The following SHTN1 variants were observed in gnomAD, a reference collection of about 807,000 sequenced individuals.
The protein encoded by SHTN1 is shootin-1.
In SHTN1, 42 loss-of-function variants were observed where a neutral mutation model predicts 83.1. The ratio of observed to expected loss-of-function variants is 0.51; its 90% confidence interval spans 0.39 to 0.65. The LOEUF (loss-of-function observed/expected upper bound fraction) is 0.65, where lower values mean the gene tolerates loss of function less well. Ranked by LOEUF, SHTN1 falls within the 30% of genes least tolerant of loss-of-function variation. The pLI, the probability that SHTN1 is intolerant of heterozygous loss-of-function variation, is 0.00. For missense variants in SHTN1, 622 were observed against 737.8 expected (o/e 0.84, Z 1.82); for synonymous variants, 224 against 247.7 (o/e 0.90, Z 0.90).
chr10:117,121,320 G>A (rs372674423), intron 1 of SHTN1, among the ~76,000 whole-genome samples: 2 of 152,308 alleles, frequency 1.3e-5, no homozygotes, highest in East Asian at 3.9e-4. Flanking sequence ...GCTTACGCCT[G>A]TAATCCCAGC....
intron 1 of SHTN1, among the ~76,000 whole-genome samples, chr10:117,001,054 T>C (rs928602612): frequency 2.0e-5 from 3 of 152,080 alleles, no homozygotes; most frequent in African/African-American, 7.2e-5. Flanking sequence ...AATTGTATGA[T>C]GTTTTGTAAG....
At position 116,972,077 on chromosome 10, in the gene SHTN1, G is replaced by A. The variant is rs183944860; in HGVS notation, c.112-3365C>T. On this transcript the variant is annotated intron_variant, in intron 2 of 16. Coordinates refer to ENST00000355371, the MANE Select transcript of SHTN1 (RefSeq NM_001127211.3). ...CCCAGAAGAAAAACGTCAGGTCCAC[G>A]CTCTCTGCTATTAAGGCCCAGGTAG... is the stretch of plus-strand genomic sequence containing the variant. Among the ~76,000 whole-genome samples, 239 of 152,244 alleles carry A rather than the reference G, an allele frequency of 1.6e-3. 1 individual carries two copies. Among genetic ancestry groups the A allele is most frequent in the African/African-American group, 5.5e-3 (227 of 41,544 alleles).
intron 16 of SHTN1, among the ~76,000 whole-genome samples, chr10:116,892,091 C>G (rs1420116904): frequency 6.6e-6 from 1 of 152,072 alleles, no homozygotes; most frequent in African/African-American, 2.4e-5. Context: ...AATGGCTGGG[C>G]AAAGATCTAT....
intron 1 of SHTN1, among the ~76,000 whole-genome samples, chr10:117,109,025 G>A (rs949051070): frequency 4.6e-5 from 7 of 152,158 alleles, no homozygotes; most frequent in African/African-American, 7.2e-5. Flanking sequence ...GTGGTGGGCC[G>A]CTGCAATGTC....
chr10:116,930,048 TC>T, intron 9 of SHTN1, 46 bp from the exon 10 acceptor site: 3 of 1,340,646 alleles, frequency 2.2e-6, no homozygotes, highest in Non-Finnish European at 3.1e-6. Flanking sequence ...TGACAGTTTT[TC>T]CTTTGTCAAA....
At chr10:117,016,411 T>A (rs1852181317) in intron 2 of SHTN1, among the ~76,000 whole-genome samples, 1 of 152,132 alleles carries the variant, frequency 6.6e-6, no homozygotes, top group Admixed American at 6.5e-5. Context: ...TTCCTTTTGT[T>A]TGTTTGTTTG....
intron 8 of SHTN1, among the ~76,000 whole-genome samples, chr10:116,944,683 G>A (rs905572383): frequency 1.3e-5 from 2 of 152,088 alleles, no homozygotes; most frequent in African/African-American, 4.8e-5. Context: ...ACGAGATAAG[G>A]AGATCAAGAC....
chr10:117,088,049 A>C (rs746237669), intron 1 of SHTN1, among the ~76,000 whole-genome samples: 36 of 152,262 alleles, frequency 2.4e-4, no homozygotes, highest in Non-Finnish European at 4.7e-4. Flanking sequence ...GTCAAGTGTT[A>C]GAGATTACAG....
intron 1 of SHTN1, among the ~76,000 whole-genome samples, chr10:117,061,516 C>A (rs1852903380): frequency 6.7e-6 from 1 of 150,120 alleles, no homozygotes; most frequent in South Asian, 2.1e-4. Flanking sequence ...GTTGCCCAGG[C>A]TAGAGTGCAA....
Position 116,884,075 on chromosome 10 carries a change from CAGAA to C in SHTN1, c.*2265_*2268del, listed in dbSNP as rs1205217939. 8.4e-6 allele frequency: 3 copies of C among 355,984 alleles called. No individual in the cohort carries two copies. Among genetic ancestry groups the C allele is most frequent in the Non-Finnish European group, 1.7e-5 (3 of 174,714 alleles). The allele number at this position is 355,984 out of a possible 1,614,324, so 22.1% of individuals were successfully genotyped here. Reference sequence around the variant, plus strand: ...CAAGACTTAATTTATCTTTCCCAAACAGAAGGAAGCATAAATAACCTTTTAGAGA... The same window carrying C: ...CAAGACTTAATTTATCTTTCCCAAACGGAAGCATAAATAACCTTTTAGAGA... On this transcript the variant is annotated 3_prime_UTR_variant, in exon 17 of 17. Transcript: ENST00000355371.
chr10:116,992,684 T>C (rs536617377), intron 1 of SHTN1, among the ~76,000 whole-genome samples: 1 of 152,246 alleles, frequency 6.6e-6, no homozygotes, highest in African/African-American at 2.4e-5. Flanking sequence ...TTCTGGGAGA[T>C]GATTCTTAGA....
chr10:117,001,041 G>A (rs1159949790), intron 1 of SHTN1, among the ~76,000 whole-genome samples: 4 of 151,912 alleles, frequency 2.6e-5, no homozygotes, highest in African/African-American at 7.3e-5. Context: ...CGGAGGGGGA[G>A]CAAATTGTAT....
chr10:116,996,014 A>G (rs912484079), intron 1 of SHTN1, among the ~76,000 whole-genome samples: 1 of 152,230 alleles, frequency 6.6e-6, no homozygotes, highest in African/African-American at 2.4e-5. Flanking sequence ...GAAGAGTTCC[A>G]GCAAAGCAGA....
intron 2 of SHTN1, among the ~76,000 whole-genome samples, chr10:116,968,971 C>A (rs1378449642): frequency 2.0e-5 from 3 of 152,176 alleles, no homozygotes; most frequent in Admixed American, 2.0e-4. Context: ...TCAGTAATAG[C>A]CCGATTTAAC....
intron 2 of SHTN1, among the ~76,000 whole-genome samples, chr10:117,024,159 C>A (rs1852298219): frequency 6.6e-6 from 1 of 151,980 alleles, no homozygotes; most frequent in South Asian, 2.1e-4. Context: ...AGTACACGTT[C>A]CATTTTATGA....
At chr10:116,907,985 G>A in intron 14 of SHTN1, 1 of 487,654 alleles carries the variant, frequency 2.1e-6, no homozygotes, top group Non-Finnish European at 4.1e-6. Context: ...AAGAAGCCTT[G>A]TTTCTTCTTT....
intron 2 of SHTN1, among the ~76,000 whole-genome samples, chr10:117,047,903 C>A (rs1429056689): frequency 2.6e-4 from 36 of 139,556 alleles, no homozygotes; most frequent in South Asian, 4.6e-4. Flanking sequence ...AGGCATGAGC[C>A]AAAAAAAAAA....
chr10:117,073,789 C>T (rs1853118107), intron 1 of SHTN1, among the ~76,000 whole-genome samples: 1 of 152,152 alleles, frequency 6.6e-6, no homozygotes, highest in South Asian at 2.1e-4. Context: ...CAGGTGAGCA[C>T]CTGGAGATCC....
At chr10:117,056,674 GGT>G (rs1405530092) in intron 1 of SHTN1, among the ~76,000 whole-genome samples, 1 of 152,042 alleles carries the variant, frequency 6.6e-6, no homozygotes, top group Non-Finnish European at 1.5e-5. Context: ...AGCCGGGCAT[GGT>G]GGTACGTGCC....
Sources: allele counts gnomAD v4.1 joint callset (sites outside exome capture counted in the v4.1 genomes callset), GRCh38; gene constraint gnomAD v4.1.1; transcripts MANE v1.5; gene names NCBI Gene and HGNC (gene_info 2026-07-23, HGNC 2026-07-21).